Variants in CSMD1 observed in about 807,000 individuals in gnomAD.
CSMD1 encodes the protein CUB and Sushi multiple domains 1.
CSMD1 carries 213 observed loss-of-function variants against 417.5 expected under a neutral mutation model. That is an observed-to-expected ratio of 0.51 (90% CI 0.46 to 0.57). CSMD1 has a LOEUF of 0.57. CSMD1 is among the 20% of genes least tolerant of loss of function. The pLI, the probability that CSMD1 is intolerant of heterozygous loss-of-function variation, is 0.00. For missense variants in CSMD1, 6,923 were observed against 4,529.7 expected, an observed-to-expected ratio of 1.53 and a Z score of -15.17; for synonymous variants, 2,862 against 1,736.8, an observed-to-expected ratio of 1.65 and a Z score of -16.11.
chr8:3,427,458 T>A (rs947808000), intron 12 of CSMD1, among the ~76,000 whole-genome samples: 2 of 152,234 alleles, frequency 1.3e-5, no homozygotes, highest in Admixed American at 6.5e-5. Flanking sequence ...ATATATATAT[T>A]TTTGAAACCT....
At chr8:4,464,277 G>A (rs1308458942) in intron 2 of CSMD1, among the ~76,000 whole-genome samples, 1 of 151,574 alleles carries the variant, frequency 6.6e-6, no homozygotes, top group Non-Finnish European at 1.5e-5. Flanking sequence ...TGAAGCACAG[G>A]GCATTATTAT....
At chr8:4,228,016 C>A (rs562949786) in intron 3 of CSMD1, among the ~76,000 whole-genome samples, 35 of 151,648 alleles carry the variant, frequency 2.3e-4, no homozygotes, top group Non-Finnish European at 3.8e-4. Flanking sequence ...TGGAGACATA[C>A]CCTCCACCCC....
At chr8:3,764,460 TGA>T (rs1798164099) in intron 5 of CSMD1, among the ~76,000 whole-genome samples, 1 of 152,144 alleles carries the variant, frequency 6.6e-6, no homozygotes, top group African/African-American at 2.4e-5. Context: ...GACATGCGTG[TGA>T]GTGAGTAGAG....
chr8:4,401,737 C>A (rs994974262), intron 3 of CSMD1, among the ~76,000 whole-genome samples: 1 of 152,128 alleles, frequency 6.6e-6, no homozygotes, highest in Admixed American at 6.5e-5. Flanking sequence ...AACATTCCAC[C>A]TGAAGCTGGC....
chr8:4,863,197 G>C (rs1019350329), intron 1 of CSMD1, among the ~76,000 whole-genome samples: 8 of 152,060 alleles, frequency 5.3e-5, no homozygotes, highest in African/African-American at 1.9e-4. Context: ...CTTCACCTCA[G>C]TTTTTACTAT....
intron 8 of CSMD1, among the ~76,000 whole-genome samples, chr8:3,586,709 T>A (rs1800616999): frequency 6.6e-6 from 1 of 152,218 alleles, no homozygotes; most frequent in Non-Finnish European, 1.5e-5. Context: ...GACTGTATTT[T>A]GCTATCACAC....
intron 40 of CSMD1, 44 bp from the exon 41 acceptor site, chr8:3,142,718 G>A (rs61664876): frequency 0.23 from 338,661 of 1,451,748 alleles, 42,127 homozygotes; most frequent in South Asian, 0.37. Flanking sequence ...ATATCAAAAT[G>A]TATAAAATCA....
chr8:4,291,136 C>G (rs1232248889), intron 3 of CSMD1, among the ~76,000 whole-genome samples: 1 of 151,968 alleles, frequency 6.6e-6, no homozygotes, highest in African/African-American at 2.4e-5. Context: ...GAATCTGAGT[C>G]TTAATATGGT....
chr8:4,697,456 C>A (rs570296808), intron 1 of CSMD1, among the ~76,000 whole-genome samples: 1 of 152,036 alleles, frequency 6.6e-6, no homozygotes, highest in Non-Finnish European at 1.5e-5. Flanking sequence ...AAGTTCAATA[C>A]GTAAAAAATT....
intron 5 of CSMD1, among the ~76,000 whole-genome samples, chr8:3,799,183 AG>A: frequency 6.6e-6 from 1 of 152,250 alleles, no homozygotes; most frequent in Non-Finnish European, 1.5e-5. Flanking sequence ...GACTATCATA[AG>A]AAAAAGAGGA....
chr8:4,756,504 T>A (rs895096976), intron 1 of CSMD1, among the ~76,000 whole-genome samples: 1 of 152,224 alleles, frequency 6.6e-6, no homozygotes, highest in African/African-American at 2.4e-5. Context: ...AATATTTGTT[T>A]TAACCCCATG....
chr8:3,736,622 G>A (rs993065533), intron 6 of CSMD1, among the ~76,000 whole-genome samples: 3 of 152,200 alleles, frequency 2.0e-5, no homozygotes, highest in African/African-American at 7.2e-5. Flanking sequence ...CAATGGCAGA[G>A]TGAATCTTTC....
chr8:3,054,637 A>ATG (rs1812091972), intron 49 of CSMD1, among the ~76,000 whole-genome samples: 1 of 151,954 alleles, frequency 6.6e-6, no homozygotes, highest in African/African-American at 2.4e-5. Context: ...CAAAAAACAC[A>ATG]TGCGTGTGTG....
At chr8:3,579,739 C>T (rs1029385469) in intron 9 of CSMD1, among the ~76,000 whole-genome samples, 1 of 152,142 alleles carries the variant, frequency 6.6e-6, no homozygotes, top group African/African-American at 2.4e-5. Flanking sequence ...TTAGAATAAT[C>T]ATAACTCCAC....
intron 1 of CSMD1, among the ~76,000 whole-genome samples, chr8:4,896,465 A>G (rs1383173130): frequency 6.6e-6 from 1 of 151,700 alleles, no homozygotes; most frequent in East Asian, 1.9e-4. Flanking sequence ...AAATGTTGAA[A>G]CTCTCAAACT....
At chr8:3,215,670 T>A (rs961540598) in intron 29 of CSMD1, among the ~76,000 whole-genome samples, 2 of 152,228 alleles carry the variant, frequency 1.3e-5, no homozygotes, top group African/African-American at 4.8e-5. Context: ...TTCAGTTATC[T>A]TCTGGTAGCC....
intron 56 of CSMD1, 94 bp from the exon 57 acceptor site, chr8:2,973,393 A>C (rs1804633373): frequency 7.6e-7 from 1 of 1,308,772 alleles, no homozygotes; most frequent in Admixed American, 2.1e-5. Context: ...AGTTGTTGAA[A>C]TTTGTGTTTC....
At chr8:3,352,545 C>T (rs1208444538) in intron 21 of CSMD1, among the ~76,000 whole-genome samples, 1 of 152,072 alleles carries the variant, frequency 6.6e-6, no homozygotes, top group Non-Finnish European at 1.5e-5. Flanking sequence ...GTTCTTATTA[C>T]TATTACATCA....
intron 1 of CSMD1, among the ~76,000 whole-genome samples, chr8:4,983,678 A>C (rs1020675201): frequency 6.6e-6 from 1 of 151,926 alleles, no homozygotes; most frequent in East Asian, 1.9e-4. Context: ...GCCAGCCACC[A>C]CACCCAGCTA....
Sources: gnomAD v4.1 joint callset for allele counts (sites outside exome capture counted in the v4.1 genomes callset) on GRCh38, gnomAD v4.1.1 for gene constraint, MANE v1.5 for transcripts, NCBI Gene and HGNC (gene_info 2026-07-23, HGNC 2026-07-21) for gene names.